AKAP13: variants seen among roughly 807,000 people sequenced by gnomAD.
AKAP13 encodes A-kinase anchor protein 13.
AKAP13 carries 80 observed loss-of-function variants against 264.5 expected under a neutral mutation model. That is an observed-to-expected ratio of 0.30 (90% CI 0.25 to 0.36). The LOEUF (loss-of-function observed/expected upper bound fraction) is 0.36. Ranked by LOEUF, AKAP13 falls within the 10% of genes least tolerant of loss-of-function variation. The probability of loss-of-function intolerance (pLI) is 1.00; values close to 1 mark genes in which losing one functional copy is unlikely to be tolerated. For synonymous variants in AKAP13, 1,380 were observed against 1,250.2 expected, an observed-to-expected ratio of 1.10 and a Z score of -2.19; for missense variants, 3,712 against 3,435.2, an observed-to-expected ratio of 1.08 and a Z score of -2.01.
chr15:85,477,990 TGTGTCCACTTG>T (rs1357143557), intron 1 of AKAP13, among the ~76,000 whole-genome samples: 1 of 152,236 alleles, frequency 6.6e-6, no homozygotes, highest in Admixed American at 6.5e-5. Context: ...CTTCTCCTCC[TGTGTCCACTTG>T]GTGGAACTTT....
chr15:85,621,332 G>A (rs1314305338), intron 8 of AKAP13: 4 of 152,124 alleles, frequency 2.6e-5, no homozygotes, highest in African/African-American at 9.7e-5. Flanking sequence ...GCTGGGCCTC[G>A]GCTGCCAGCA....
At chr15:85,470,537 A>G (rs547373416) in intron 1 of AKAP13, among the ~76,000 whole-genome samples, 1 of 152,356 alleles carries the variant, frequency 6.6e-6, no homozygotes, top group Admixed American at 6.5e-5. Flanking sequence ...TCTGACACCT[A>G]GAGAGATTAC....
rs1596590399 is a variant in AKAP13, at chr15:85,579,117, C to A, written c.1049C>A (p.Thr350Asn). The change falls in exon 7 of 37, where the codon ACT becomes AAT. Residue 350 changes from threonine (T) to asparagine (N), a missense_variant. By Grantham distance (65) the Thr-to-Asn change is moderately conservative. This residue lies in a region of AKAP13 where 2,759 missense variants were observed against 2,411.7 expected (regional missense o/e 1.14). Transcript: ENST00000394518. ...TGCCCAGGGAGCCCTGTTGCACAGACTGAAAGTCCCTGTGATTTGTCAAGC... is the reference window on the plus strand; with the variant it reads ...TGCCCAGGGAGCCCTGTTGCACAGAATGAAAGTCCCTGTGATTTGTCAAGC... The part of the protein sequence containing the change: ...QCCPGSPVAQ[T>N]ESPCDLSSIV... 2 of 1,613,988 alleles carry A rather than the reference C, an allele frequency of 1.2e-6. No homozygotes were observed. The highest frequency in any genetic ancestry group is 2.7e-5 in the African/African-American group (2 of 74,874).
intron 2 of AKAP13, among the ~76,000 whole-genome samples, chr15:85,498,766 C>T (rs979707208): frequency 9.9e-5 from 15 of 152,144 alleles, no homozygotes; most frequent in African/African-American, 3.4e-4. Context: ...CTCTAGGGCG[C>T]TGGCTCTTGG....
At chr15:85,582,172 G>A in intron 7 of AKAP13, 65 bp downstream of exon 7, 1 of 1,484,406 alleles carries the variant, frequency 6.7e-7, no homozygotes, top group East Asian at 2.3e-5. Flanking sequence ...TCACTGTGGT[G>A]TCCTGGTAAA....
Position 85,581,806 on chromosome 15 carries a change from C to A in AKAP13, c.3738C>A (p.Asp1246Glu). The change falls in exon 7 of 37, where the codon GAC (aspartate) becomes GAA (glutamate). Residue 1246 changes from aspartate (D) to glutamate (E), a missense_variant. Physicochemically the swap from Asp to Glu is conservative, Grantham distance 45. Coordinates refer to ENST00000394518, the MANE Select transcript of AKAP13 (RefSeq NM_007200.5). ...ACGCACCTCTGCCTAAGGGGGCAGA[C>A]TTGATAGAGGAGGCTGCCAGCCGTA... is the stretch of plus-strand genomic sequence containing the variant. ...AQDAPLPKGA[D>E]LIEEAASRIV... The A allele has an allele frequency of 6.2e-7, 1 of 1,614,152 alleles. No homozygotes were observed. Among genetic ancestry groups the A allele is most frequent in the Non-Finnish European group, 8.5e-7 (1 of 1,180,002 alleles).
At chr15:85,633,205 C>G (rs866306424) in intron 8 of AKAP13, among the ~76,000 whole-genome samples, 8 of 152,230 alleles carry the variant, frequency 5.3e-5, no homozygotes, top group South Asian at 4.1e-4. Flanking sequence ...CTGTTGGCCC[C>G]TTGTTGAAGG....
chr15:85,458,393 G>GTATT (rs2074366240), intron 1 of AKAP13, among the ~76,000 whole-genome samples: 1 of 120,664 alleles, frequency 8.3e-6, no homozygotes, highest in East Asian at 2.3e-4. Flanking sequence ...TTTGTTTTTT[G>GTATT]TTTTTTTTTT....
chr15:85,420,521 C>T (rs188105361), intron 1 of AKAP13, among the ~76,000 whole-genome samples: 1 of 151,990 alleles, frequency 6.6e-6, no homozygotes, highest in African/African-American at 2.4e-5. Context: ...TTGACCATAC[C>T]ATGAGACAGA....
intron 34 of AKAP13, 115 bp downstream of exon 34, chr15:85,740,387 C>G: frequency 8.1e-7 from 1 of 1,228,204 alleles, no homozygotes; most frequent in Non-Finnish European, 1.2e-6. Flanking sequence ...AAATGGGGCC[C>G]TCAGTCTAGG....
intron 29 of AKAP13, among the ~76,000 whole-genome samples, chr15:85,728,390 T>C (rs186650313): frequency 3.9e-5 from 6 of 152,350 alleles, no homozygotes; most frequent in South Asian, 4.1e-4. Context: ...GCCAGAGTTA[T>C]AGCAAATTTA....
chr15:85,576,660 T>G (rs1178198077), intron 6 of AKAP13, among the ~76,000 whole-genome samples: 1 of 152,216 alleles, frequency 6.6e-6, no homozygotes, highest in African/African-American at 2.4e-5. Context: ...GGAGCATGCA[T>G]TATTTGAGAC....
In AKAP13 at chr15:85,412,567, A is replaced by G. The variant is rs554440749; in HGVS notation, c.-12+31769A>G. 2.6e-5 allele frequency among the ~76,000 whole-genome samples: 4 copies of G among 152,384 alleles called. No individual in the cohort carries two copies. The East Asian group carries it at 7.7e-4, about 29-fold the overall frequency. On this transcript the variant is annotated intron_variant, in intron 1 of 36. Transcript: ENST00000394518. ...GAATTTTAAAATGAAGTAATATTTTATAAATTTTTCAGTTTTAATTTCTAA... is the reference window on the plus strand; with the variant it reads ...GAATTTTAAAATGAAGTAATATTTTGTAAATTTTTCAGTTTTAATTTCTAA...
chr15:85,633,951 A>G (rs1324286272), intron 8 of AKAP13, among the ~76,000 whole-genome samples: 3 of 152,114 alleles, frequency 2.0e-5, no homozygotes, highest in South Asian at 4.1e-4. Flanking sequence ...TGTATACCTT[A>G]AAGTACCTTT....
At chr15:85,586,818 C>T (rs2079377000) in intron 8 of AKAP13, among the ~76,000 whole-genome samples, 1 of 151,782 alleles carries the variant, frequency 6.6e-6, no homozygotes. Context: ...ATCCCAGCTA[C>T]TTGGAAGGCT....
intron 5 of AKAP13, among the ~76,000 whole-genome samples, chr15:85,563,353 T>TTTTTTTTTTTTTTTG (rs2078481974): frequency 8.0e-6 from 1 of 124,446 alleles, no homozygotes; most frequent in African/African-American, 3.9e-5. Context: ...TTTTTTTTTT[T>TTTTTTTTTTTTTTTG]TAAAGACGGA....
chr15:85,679,762 A>G (rs541671954), intron 14 of AKAP13, among the ~76,000 whole-genome samples: 1 of 152,306 alleles, frequency 6.6e-6, no homozygotes, highest in South Asian at 2.1e-4. Flanking sequence ...TAGTTGAAAT[A>G]TATTATTTAC....
chr15:85,497,942 C>T (rs976921184), intron 2 of AKAP13, among the ~76,000 whole-genome samples: 3 of 151,930 alleles, frequency 2.0e-5, no homozygotes, highest in African/African-American at 4.8e-5. Context: ...ATCACTTCAC[C>T]GTTACAGCAC....
rs1175420909 is a variant in AKAP13, at chr15:85,746,749, GCTGT to G, written c.*2077_*2080del. On this transcript the variant is annotated 3_prime_UTR_variant, in exon 37 of 37. Coordinates refer to ENST00000394518, the MANE Select transcript of AKAP13 (RefSeq NM_007200.5). ...TTTCCTGAGATCTACCCGGGGCTTG[GCTGT>G]CTGTTCTGGGCACTGGCTCCGAGTT... is the stretch of plus-strand genomic sequence containing the variant. 6.6e-6 allele frequency: 1 copy of G among 152,208 alleles called. No individual in the cohort carries two copies. The highest frequency in any genetic ancestry group is 1.5e-5 in the Non-Finnish European group (1 of 68,056). The allele number at this position is 152,208 out of a possible 1,614,324, so 9.4% of individuals were successfully genotyped here.
Sources: gnomAD v4.1 joint callset for allele counts (sites outside exome capture counted in the v4.1 genomes callset) on GRCh38, gnomAD v4.1.1 for gene constraint, gnomAD v4.1.1 regional missense constraint, MANE v1.5 for transcripts, NCBI Gene and HGNC (gene_info 2026-07-23, HGNC 2026-07-21) for gene names.